MINDY4B: variants seen among roughly 807,000 people sequenced by gnomAD.
MINDY4B encodes inactive ubiquitin carboxyl-terminal hydrolase MINDY-4B.
MINDY4B carries 25 observed loss-of-function variants against 16.7 expected under a neutral mutation model. The ratio of observed to expected loss-of-function variants is 1.49; its 90% CI spans 1.09 to 2.09. The LOEUF is 2.09. Ranked by LOEUF, MINDY4B falls within the 30% of genes most tolerant of loss-of-function variation. MINDY4B has a pLI of 0.00. For missense variants in MINDY4B, 327 were observed against 168.4 expected (o/e 1.94, Z -5.21); for synonymous variants, 132 against 61.9 (o/e 2.13, Z -5.32).
intron 7 of MINDY4B, among the ~76,000 whole-genome samples, chr3:150,886,839 C>T (rs891882079): frequency 2.0e-5 from 3 of 152,088 alleles, no homozygotes; most frequent in Non-Finnish European, 4.4e-5. Context: ...GGATAATGTC[C>T]CCCACCCACT....
At chr3:150,889,345 G>A (rs919875842) in intron 7 of MINDY4B, among the ~76,000 whole-genome samples, 4 of 152,192 alleles carry the variant, frequency 2.6e-5, no homozygotes, top group Non-Finnish European at 4.4e-5. Context: ...TCATCGAAGC[G>A]GATCCAAGCC....
At chr3:150,895,433 G>A (rs570323564) in intron 3 of MINDY4B, among the ~76,000 whole-genome samples, 1 of 152,148 alleles carries the variant, frequency 6.6e-6, no homozygotes, top group South Asian at 2.1e-4. Context: ...TCCTTCATAG[G>A]TTACTTGGTG....
intron 3 of MINDY4B, among the ~76,000 whole-genome samples, chr3:150,895,417 A>G (rs1431200531): frequency 6.6e-6 from 1 of 152,150 alleles, no homozygotes; most frequent in Non-Finnish European, 1.5e-5. Context: ...TTAATATGAT[A>G]GGTTTTCCTT....
At chr3:150,890,742 A>G (rs998096195) in intron 6 of MINDY4B, 196 bp downstream of exon 6, 27 of 529,322 alleles carry the variant, frequency 5.1e-5, no homozygotes, top group Non-Finnish European at 8.4e-5. Flanking sequence ...TGAATTCCAT[A>G]GCAGGAATTT....
intron 7 of MINDY4B, among the ~76,000 whole-genome samples, chr3:150,886,601 C>T (rs1388924984): frequency 6.6e-6 from 1 of 152,230 alleles, no homozygotes; most frequent in Non-Finnish European, 1.5e-5. Context: ...TCTCACTGTG[C>T]TAAAGTCAAA....
At chr3:150,902,837 G>A (rs1712149702) in intron 3 of MINDY4B, among the ~76,000 whole-genome samples, 1 of 152,218 alleles carries the variant, frequency 6.6e-6, no homozygotes, top group South Asian at 2.1e-4. Flanking sequence ...GGCCTGACAA[G>A]TTTCCCCAGC....
rs896662773 is a variant in MINDY4B, at chr3:150,903,375, A to G, written c.183T>C (p.Asp61=). ...CTTTGGGCTGAGATAGTCCTGTTCC[A>G]TCTTCATTTTCATCAGCAGATGTAT... ...GNHTSADENE[D]GTGLSQPKGQ... Residue 61 remains aspartate (D), a synonymous_variant, in exon 3 of 12, where the codon GAT becomes GAC. Coordinates refer to ENST00000465419, the MANE Select transcript of MINDY4B (RefSeq NM_001351281.2). 5.0e-6 allele frequency: 2 copies of G among 398,472 alleles called. No homozygotes were observed. Among genetic ancestry groups the G allele is most frequent in the Non-Finnish European group, 8.8e-6 (2 of 226,034 alleles). The allele number at this position is 398,472 out of a possible 1,614,324, so 24.7% of individuals were successfully genotyped here. A position where few individuals can be genotyped will look rare whatever the true frequency, so the allele number is the denominator to read the frequency against.
chr3:150,875,901 A>C (rs1049215746), intron 10 of MINDY4B, among the ~76,000 whole-genome samples: 1 of 152,184 alleles, frequency 6.6e-6, no homozygotes, highest in Non-Finnish European at 1.5e-5. Context: ...ATCCAGCCAG[A>C]GATTACATCC....
chr3:150,878,384 A>G (rs1711499915), intron 10 of MINDY4B, among the ~76,000 whole-genome samples: 2 of 152,216 alleles, frequency 1.3e-5, no homozygotes, highest in Admixed American at 6.5e-5. Flanking sequence ...CAGGGGTTCA[A>G]GTAAGAAAAC....
At position 150,893,330 on chromosome 3, in the gene MINDY4B, A is replaced by T. The variant is rs1711865727; in HGVS notation, c.515T>A (p.Leu172His). 1.4e-6 allele frequency: 1 copy of T among 702,688 alleles called. No homozygotes were observed. Among genetic ancestry groups the T allele is most frequent in the South Asian group, 1.5e-5 (1 of 67,594 alleles). The allele number at this position is 702,688 out of a possible 1,614,324, so 43.5% of individuals were successfully genotyped here. Residue 172 changes from leucine (L) to histidine (H), a missense_variant, in exon 5 of 12, where the codon CTT becomes CAT. Leu to His is a moderately conservative substitution (Grantham distance 99). Coordinates refer to ENST00000465419, the MANE Select transcript of MINDY4B (RefSeq NM_001351281.2). ...LFTRKGKDCN[L>H]GNLCEISKKE... ...CTTCTCACAGTCCTCTTACTTGCCAAGGTTACAGTCTTTTCCTTTCCTGGT... is the reference window on the plus strand; with the variant it reads ...CTTCTCACAGTCCTCTTACTTGCCATGGTTACAGTCTTTTCCTTTCCTGGT...
At position 150,873,284 on chromosome 3, in the gene MINDY4B, G is replaced by A; in HGVS notation, c.1143C>T (p.Asn381=). 1.4e-6 allele frequency: 1 copy of A among 702,884 alleles called. No homozygotes were observed. The highest frequency in any genetic ancestry group is 1.5e-5 in the South Asian group (1 of 67,590). The allele number at this position is 702,884 out of a possible 1,614,324, so 43.5% of individuals were successfully genotyped here. A position where few individuals can be genotyped will look rare whatever the true frequency, so the allele number is the denominator to read the frequency against. ...TTTTCCAGTCTGATAAGAGCTGCCT[G>A]TTTGTGCAAAAAAGGATGCTGTAAT... is the stretch of plus-strand genomic sequence containing the variant. ...NGNYSILFCT[N]RQLLSDWKME... The change falls in exon 11 of 12, where the codon AAC becomes AAT. Residue 381 remains asparagine (N), a synonymous_variant. Coordinates refer to ENST00000465419, the MANE Select transcript of MINDY4B (RefSeq NM_001351281.2).
chr3:150,897,876 G>A (rs1712018396), intron 3 of MINDY4B, among the ~76,000 whole-genome samples: 1 of 152,206 alleles, frequency 6.6e-6, no homozygotes, highest in Non-Finnish European at 1.5e-5. Context: ...GAGAGCCCTA[G>A]ACCCAGAACA....
chr3:150,876,409 C>T (rs1200389232), intron 10 of MINDY4B, among the ~76,000 whole-genome samples: 1 of 152,148 alleles, frequency 6.6e-6, no homozygotes, highest in African/African-American at 2.4e-5. Flanking sequence ...GTAATCTGAA[C>T]AGGAGAAAGG....
intron 10 of MINDY4B, among the ~76,000 whole-genome samples, chr3:150,879,076 C>T (rs528487835): frequency 1.3e-5 from 2 of 152,324 alleles, no homozygotes; most frequent in South Asian, 4.1e-4. Context: ...AAGCCTGCAA[C>T]TTGTTTCCAA....
chr3:150,890,515 A>C, intron 6 of MINDY4B, 130 bp from the exon 7 acceptor site: 1 of 489,364 alleles, frequency 2.0e-6, no homozygotes, highest in South Asian at 3.6e-5. Context: ...AAAAACTGAC[A>C]TACTATCTTA....
chr3:150,895,513 T>C (rs1711936740), intron 3 of MINDY4B, among the ~76,000 whole-genome samples: 1 of 152,210 alleles, frequency 6.6e-6, no homozygotes, highest in South Asian at 2.1e-4. Flanking sequence ...CTGCCCAGGC[T>C]GGAGTACGCT....
intron 3 of MINDY4B, among the ~76,000 whole-genome samples, chr3:150,896,443 G>A (rs915481591): frequency 1.8e-4 from 27 of 151,942 alleles, no homozygotes; most frequent in African/African-American, 4.8e-4. Context: ...GGGGGAAGGG[G>A]GGCATTAAAA....
At chr3:150,892,759 A>C (rs1439382191) in intron 5 of MINDY4B, among the ~76,000 whole-genome samples, 4 of 150,654 alleles carry the variant, frequency 2.7e-5, no homozygotes, top group Non-Finnish European at 4.4e-5. Flanking sequence ...AGCCTGGCCA[A>C]CATGGTGAAA....
intron 3 of MINDY4B, among the ~76,000 whole-genome samples, chr3:150,898,366 ACT>A (rs1712031268): frequency 6.6e-6 from 1 of 151,766 alleles, no homozygotes. Flanking sequence ...GCCAAACCAC[ACT>A]CTTATTTCTG....
Sources: gnomAD v4.1 joint callset for allele counts (sites outside exome capture counted in the v4.1 genomes callset) on GRCh38, gnomAD v4.1.1 for gene constraint, MANE v1.5 for transcripts, NCBI Gene and HGNC (gene_info 2026-07-23, HGNC 2026-07-21) for gene names.